Variants in DLG2 observed in about 807,000 individuals in gnomAD.
DLG2 encodes the protein discs large MAGUK scaffold protein 2, also known as disks large homolog 2.
Under a neutral mutation model 132.5 loss-of-function variants are expected in DLG2, and 45 were observed. The ratio of observed to expected loss-of-function variants is 0.34; its 90% confidence interval spans 0.27 to 0.44. The LOEUF is 0.44. Ranked by LOEUF, DLG2 falls within the 20% of genes least tolerant of loss-of-function variation. DLG2 has a pLI of 1.00. For missense variants in DLG2, 1,045 were observed against 1,196.9 expected (o/e 0.87, Z 1.87); for synonymous variants, 424 against 419.6 (o/e 1.01, Z -0.13).
At chr11:83,995,148 A>T (rs1239791906) in intron 11 of DLG2, among the ~76,000 whole-genome samples, 2 of 152,146 alleles carry the variant, frequency 1.3e-5, no homozygotes, top group Admixed American at 1.3e-4. Context: ...TTCAACTCAT[A>T]ATACTGGAAC....
intron 3 of DLG2, among the ~76,000 whole-genome samples, chr11:85,414,737 T>C (rs2089664181): frequency 6.6e-6 from 1 of 152,014 alleles, no homozygotes. Flanking sequence ...CTGTCTCATT[T>C]CTTACATCTA....
At chr11:84,099,247 C>T (rs2092172145) in intron 9 of DLG2, among the ~76,000 whole-genome samples, 200 bp from the exon 10 acceptor site, 1 of 151,728 alleles carries the variant, frequency 6.6e-6, no homozygotes, top group East Asian at 1.9e-4. Flanking sequence ...TGTAAGAATG[C>T]AAGAGCATTA....
At chr11:83,648,869 C>A (rs2069110281) in intron 18 of DLG2, among the ~76,000 whole-genome samples, 1 of 152,150 alleles carries the variant, frequency 6.6e-6, no homozygotes, top group South Asian at 2.1e-4. Flanking sequence ...CTGTACATTT[C>A]TTTGAAACTT....
intron 6 of DLG2, among the ~76,000 whole-genome samples, chr11:84,732,071 A>G (rs951291274): frequency 6.6e-6 from 1 of 152,060 alleles, no homozygotes; most frequent in Non-Finnish European, 1.5e-5. Context: ...TCCACTCAAC[A>G]TATCTATTCT....
intron 19 of DLG2, among the ~76,000 whole-genome samples, chr11:83,571,686 T>C (rs2436158): frequency 0.46 from 69,227 of 151,820 alleles, 16,209 homozygotes; most frequent in Admixed American, 0.57. Context: ...GTGAGAAATA[T>C]TACTGATGAG....
chr11:84,448,533 CTGTT>C (rs2099042295), intron 7 of DLG2, among the ~76,000 whole-genome samples: 1 of 152,012 alleles, frequency 6.6e-6, no homozygotes, highest in Non-Finnish European at 1.5e-5. Context: ...TTTGAACATG[CTGTT>C]TCTGCTGTCT....
intron 6 of DLG2, chr11:84,545,464 C>T: frequency 2.3e-6 from 1 of 425,812 alleles, no homozygotes; most frequent in Non-Finnish European, 4.6e-6. Context: ...CCAAAACCAC[C>T]TCCACAACCA....
At chr11:84,792,075 T>C (rs1267115561) in intron 6 of DLG2, among the ~76,000 whole-genome samples, 2 of 152,234 alleles carry the variant, frequency 1.3e-5, no homozygotes, top group African/African-American at 4.8e-5. Flanking sequence ...GTGTCTGACA[T>C]ATATGACTTT....
At chr11:83,816,539 C>G (rs956072109) in intron 17 of DLG2, among the ~76,000 whole-genome samples, 7 of 151,908 alleles carry the variant, frequency 4.6e-5, no homozygotes, top group African/African-American at 9.7e-5. Flanking sequence ...CCTGGTAGTG[C>G]TACAGGAGGT....
chr11:84,497,376 C>T (rs1327915424), intron 7 of DLG2, among the ~76,000 whole-genome samples: 3 of 152,048 alleles, frequency 2.0e-5, no homozygotes, highest in Non-Finnish European at 4.4e-5. Context: ...ATTATTGCTA[C>T]TACAACTGTA....
At chr11:83,566,130 T>G (rs142749702) in intron 19 of DLG2, among the ~76,000 whole-genome samples, 1 of 152,314 alleles carries the variant, frequency 6.6e-6, no homozygotes, top group South Asian at 2.1e-4. Flanking sequence ...ACACAAGAAA[T>G]GTGTGGCTTA....
intron 19 of DLG2, among the ~76,000 whole-genome samples, chr11:83,567,383 G>T (rs2096726135): frequency 6.6e-6 from 1 of 152,192 alleles, no homozygotes; most frequent in Non-Finnish European, 1.5e-5. Flanking sequence ...GTTGGAGAAA[G>T]AATTGGAAGA....
chr11:83,833,720 T>C lies in DLG2; in HGVS notation c.1616A>G (p.Asn539Ser). 6.2e-7 allele frequency: 1 copy of C among 1,614,012 alleles called. No homozygotes were observed. Among genetic ancestry groups the C allele is most frequent in the Non-Finnish European group, 8.5e-7 (1 of 1,179,962 alleles). Residue 539 changes from asparagine (N) to serine (S), a missense_variant, in exon 17 of 28, where the codon AAC (asparagine) becomes AGC (serine). Physicochemically the swap from Asn to Ser is conservative, Grantham distance 46 (BLOSUM62 1). This residue lies in a region of DLG2 where 261 missense variants were observed against 256.1 expected (regional missense o/e 1.02). Coordinates refer to ENST00000376104, the MANE Select transcript of DLG2 (RefSeq NM_001142699.3). ...LHKGSTGLGF[N>S]IVGGEDGEGI... is the part of the protein sequence containing the mutation. ...TTCTCCATCTTCCCCACCGACAATG[T>C]TGAAGCCCAGGCCAGTGGAGCCTTT...
At chr11:85,535,650 G>T (rs899602098) in intron 3 of DLG2, among the ~76,000 whole-genome samples, 1 of 152,096 alleles carries the variant, frequency 6.6e-6, no homozygotes, top group African/African-American at 2.4e-5. Context: ...CAAGAGAAAT[G>T]GAAACAGATG....
chr11:84,628,910 G>T (rs149715181), intron 6 of DLG2, among the ~76,000 whole-genome samples: 14 of 152,264 alleles, frequency 9.2e-5, no homozygotes, highest in Non-Finnish European at 1.3e-4. Context: ...TGAATAGTCT[G>T]GCTGTGACCG....
intron 6 of DLG2, among the ~76,000 whole-genome samples, chr11:85,003,405 C>T (rs575876295): frequency 6.6e-6 from 1 of 152,152 alleles, no homozygotes; most frequent in African/African-American, 2.4e-5. Context: ...GTTGGATATA[C>T]TAAAATAATG....
At chr11:84,696,607 G>A (rs567158313) in intron 6 of DLG2, among the ~76,000 whole-genome samples, 1 of 151,496 alleles carries the variant, frequency 6.6e-6, no homozygotes, top group East Asian at 2.0e-4. Context: ...AAAAAACAGT[G>A]AACACAAAGT....
In DLG2 at chr11:84,039,618, A is replaced by G; in HGVS notation, c.919+19697T>C. Among the ~76,000 whole-genome samples, 2 of 54,740 alleles carry G rather than the reference A, an allele frequency of 3.7e-5. 1 individual carries two copies. The allele number at this position is 54,740 out of a possible 152,430, so 35.9% of individuals were successfully genotyped here. A position where few individuals can be genotyped will look rare whatever the true frequency, so the allele number is the denominator to read the frequency against. ...CCACATTTTCTTAATCCAGTCTATCATTGTTGGACATTTGGGTTGGTTCCA... is the reference window on the plus strand; with the variant it reads ...CCACATTTTCTTAATCCAGTCTATCGTTGTTGGACATTTGGGTTGGTTCCA... On this transcript the variant is annotated intron_variant, in intron 11 of 27. Coordinates refer to ENST00000376104, the MANE Select transcript of DLG2 (RefSeq NM_001142699.3).
intron 10 of DLG2, 36 bp from the exon 11 acceptor site, chr11:84,059,520 G>C: frequency 6.8e-7 from 1 of 1,469,494 alleles, no homozygotes; most frequent in Non-Finnish European, 9.1e-7. Flanking sequence ...TTCAGAAGTG[G>C]CTAGCAGGAT....
Sources: gnomAD v4.1 joint callset for allele counts (sites outside exome capture counted in the v4.1 genomes callset) on GRCh38, gnomAD v4.1.1 for gene constraint, gnomAD v4.1.1 regional missense constraint, MANE v1.5 for transcripts, NCBI Gene and HGNC (gene_info 2026-07-23, HGNC 2026-07-21) for gene names.